Variants in TMEM164 observed in about 807,000 individuals in gnomAD.
The protein encoded by TMEM164 is RP13-360B22.2.
TMEM164 carries 4 observed loss-of-function variants against 18.8 expected under a neutral mutation model. The observed-to-expected ratio is 0.21, with a 90% CI of 0.10 to 0.49. The LOEUF (loss-of-function observed/expected upper bound fraction) is 0.49, where lower values mean the gene tolerates loss of function less well. Ranked by LOEUF, TMEM164 falls within the 20% of genes least tolerant of loss-of-function variation. The pLI is 0.98. For synonymous variants in TMEM164, 86 were observed against 101.7 expected (o/e 0.85, Z 0.93); for missense variants, 108 against 239.9 (o/e 0.45, Z 3.63).
intron 2 of TMEM164, among the ~76,000 whole-genome samples, chrX:110,027,892 G>A (rs1189405530): frequency 8.9e-6 from 1 of 112,169 alleles, no homozygotes; most frequent in Non-Finnish European, 1.9e-5. Context: ...TTCATAAAAT[G>A]GATTGGCCAA....
At chrX:110,119,652 T>C (rs2066421954) in intron 4 of TMEM164, among the ~76,000 whole-genome samples, 1 of 111,471 alleles carries the variant, frequency 9.0e-6, no homozygotes, top group Admixed American at 9.5e-5. Flanking sequence ...TGACCTTGGG[T>C]AAGATACCTA....
intron 3 of TMEM164, among the ~76,000 whole-genome samples, chrX:110,081,166 G>C (rs755664645): frequency 9.0e-6 from 1 of 111,079 alleles, no homozygotes; most frequent in Non-Finnish European, 1.9e-5. Flanking sequence ...GTTCTTTACT[G>C]TTTAAAAGTT....
At chrX:110,036,158 T>A (rs908237883) in intron 2 of TMEM164, among the ~76,000 whole-genome samples, 4 of 112,149 alleles carry the variant, frequency 3.6e-5, no homozygotes, top group African/African-American at 1.3e-4. Context: ...ATCACATAGT[T>A]CTTCTTTGGC....
chrX:110,127,307 G>T (rs2066547557), intron 4 of TMEM164, among the ~76,000 whole-genome samples: 1 of 111,495 alleles, frequency 9.0e-6, no homozygotes, highest in Non-Finnish European at 1.9e-5. Flanking sequence ...GAGGTTGGCA[G>T]TTCGAGACCA....
chrX:110,161,165 G>A (rs1469446101), intron 5 of TMEM164, among the ~76,000 whole-genome samples: 5 of 112,218 alleles, frequency 4.5e-5, no homozygotes, highest in Admixed American at 2.8e-4. Flanking sequence ...TGGACCTCCT[G>A]TGCTAGTTAC....
rs749793079 is a variant in TMEM164 at position 110,134,297 on chromosome X, C to A, written c.508-10501C>A. ...AGACACAGTGGCTCACGCCTGTAATCGCAGCACTTTGGGAGACAGAGGCAG... is the reference window on the plus strand; with the variant it reads ...AGACACAGTGGCTCACGCCTGTAATAGCAGCACTTTGGGAGACAGAGGCAG... On this transcript the variant is annotated intron_variant, in intron 4 of 6. Coordinates refer to ENST00000372068, the MANE Select transcript of TMEM164 (RefSeq NM_032227.4). Among the ~76,000 whole-genome samples, 3 of 110,890 alleles carry A rather than the reference C, an allele frequency of 2.7e-5. No individual in the cohort carries two copies. The South Asian group carries it at 1.2e-3, about 43-fold the overall frequency.
chrX:110,107,785 G>A (rs764268148), intron 3 of TMEM164, among the ~76,000 whole-genome samples: 7 of 108,469 alleles, frequency 6.5e-5, no homozygotes, highest in Non-Finnish European at 1.3e-4. Flanking sequence ...TCAGCCTCCC[G>A]AGTAGCCGAG....
chrX:110,030,392 T>C (rs1000899284), intron 2 of TMEM164, among the ~76,000 whole-genome samples: 27 of 108,955 alleles, frequency 2.5e-4, no homozygotes, highest in Non-Finnish European at 1.7e-4. Flanking sequence ...AGTGATGGGA[T>C]TATGGGCATG....
At chrX:110,168,480 C>T (rs1043467811) in intron 5 of TMEM164, among the ~76,000 whole-genome samples, 1 of 112,517 alleles carries the variant, frequency 8.9e-6, no homozygotes, top group Admixed American at 9.3e-5. Context: ...CCTGGCAGTG[C>T]GTGAGAGTTC....
chrX:110,017,672 C>T (rs940248946), intron 2 of TMEM164, among the ~76,000 whole-genome samples: 20 of 103,207 alleles, frequency 1.9e-4, no homozygotes, highest in East Asian at 6.0e-4. Flanking sequence ...TGGGTTCAAG[C>T]GATTCTCCTG....
chrX:110,062,893 A>G (rs188498602), intron 2 of TMEM164, among the ~76,000 whole-genome samples: 9 of 111,551 alleles, frequency 8.1e-5, no homozygotes, highest in Non-Finnish European at 1.7e-4. Context: ...GGCATTTTAG[A>G]TAGATCCCTC....
intron 2 of TMEM164, among the ~76,000 whole-genome samples, chrX:110,045,623 G>A (rs1935286141): frequency 8.9e-6 from 1 of 111,880 alleles, no homozygotes; most frequent in Admixed American, 9.5e-5. Context: ...CTGTCACCTA[G>A]CAGGTAACAT....
At chrX:110,182,032 C>T (rs1484983654), downstream of TMEM164, among the ~76,000 whole-genome samples, 1 of 111,345 alleles carries the variant, frequency 9.0e-6, no homozygotes, top group African/African-American at 3.3e-5. Context: ...ACATTTTTTT[C>T]ACATTTTAAC....
chrX:110,170,884 T>A (rs2067221100), intron 5 of TMEM164, among the ~76,000 whole-genome samples: 1 of 111,881 alleles, frequency 8.9e-6, no homozygotes. Flanking sequence ...TAAACTGAGA[T>A]ACAAGGATTT....
At chrX:110,129,468 G>T (rs1007876024) in intron 4 of TMEM164, among the ~76,000 whole-genome samples, 1 of 112,210 alleles carries the variant, frequency 8.9e-6, no homozygotes. Context: ...ATCTACTTTG[G>T]GTGAAAATTG....
intron 3 of TMEM164, among the ~76,000 whole-genome samples, chrX:110,069,222 A>G (rs2065546330): frequency 8.9e-6 from 1 of 111,847 alleles, no homozygotes; most frequent in South Asian, 3.7e-4. Flanking sequence ...AGATATCGCC[A>G]TATTGATTTA....
intron 4 of TMEM164, among the ~76,000 whole-genome samples, chrX:110,122,635 A>C (rs2148009477): frequency 8.9e-6 from 1 of 112,248 alleles, no homozygotes; most frequent in African/African-American, 3.2e-5. Flanking sequence ...ATATTCAGGA[A>C]CATTTCAGAT....
At chrX:110,005,387 C>T (rs1932636285) in intron 2 of TMEM164, among the ~76,000 whole-genome samples, 1 of 111,618 alleles carries the variant, frequency 9.0e-6, no homozygotes, top group African/African-American at 3.3e-5. Context: ...GTGAGGGTGG[C>T]AGTGGGTGGT....
At chrX:110,041,071 C>T (rs758989609) in intron 2 of TMEM164, among the ~76,000 whole-genome samples, 4 of 112,082 alleles carry the variant, frequency 3.6e-5, no homozygotes, top group Non-Finnish European at 5.6e-5. Context: ...GTTTCTTTGT[C>T]GCTTCTGTTA....
Sources: allele counts gnomAD v4.1 joint callset (sites outside exome capture counted in the v4.1 genomes callset), GRCh38; gene constraint gnomAD v4.1.1; transcripts MANE v1.5; gene names NCBI Gene and HGNC (gene_info 2026-07-23, HGNC 2026-07-21).